RREB1: variants seen among roughly 807,000 people sequenced by gnomAD.
The protein encoded by RREB1 is ras responsive element binding protein 1.
A neutral mutation model predicts 117.8 loss-of-function variants in RREB1; 27 were observed. The observed-to-expected ratio is 0.23, with a 90% CI of 0.17 to 0.32. The LOEUF (loss-of-function observed/expected upper bound fraction) is 0.32. Among genes scored for constraint, RREB1 ranks in the 10% least tolerant of loss-of-function variants. The pLI is 1.00. For missense variants in RREB1, 2,577 were observed against 2,378.2 expected (o/e 1.08, Z -1.74); for synonymous variants, 1,298 against 1,026.7 (o/e 1.26, Z -5.05).
At chr6:7,122,166 T>TTA (rs1561727647) in intron 1 of RREB1, among the ~76,000 whole-genome samples, 1 of 152,244 alleles carries the variant, frequency 6.6e-6, no homozygotes, top group Non-Finnish European at 1.5e-5. Flanking sequence ...AGCTTCTCTT[T>TTA]TATAAGGTAT....
intron 1 of RREB1, among the ~76,000 whole-genome samples, chr6:7,157,950 C>G (rs1763463198): frequency 6.6e-6 from 1 of 152,080 alleles, no homozygotes; most frequent in Admixed American, 6.5e-5. Context: ...TGCCTGTGCC[C>G]TACCAGGGGT....
At chr6:7,223,701 TAA>T (rs1012218394) in intron 8 of RREB1, among the ~76,000 whole-genome samples, 3 of 152,144 alleles carry the variant, frequency 2.0e-5, no homozygotes, top group African/African-American at 7.2e-5. Flanking sequence ...CATATGTACA[TAA>T]ATACATATAC....
intron 6 of RREB1, among the ~76,000 whole-genome samples, chr6:7,206,547 G>A (rs559174660): frequency 7.9e-5 from 12 of 152,286 alleles, no homozygotes; most frequent in East Asian, 5.8e-4. Flanking sequence ...ACCAGGGCTC[G>A]TGCAGAGAAC....
At chr6:7,182,113 G>C in intron 4 of RREB1, 31 bp downstream of exon 4, 1 of 1,592,152 alleles carries the variant, frequency 6.3e-7, no homozygotes, top group Non-Finnish European at 8.6e-7. Flanking sequence ...GTGACCTCTG[G>C]TGGGTTCAAT....
chr6:7,129,438 A>G (rs1201210474), intron 1 of RREB1, among the ~76,000 whole-genome samples: 1 of 152,244 alleles, frequency 6.6e-6, no homozygotes. Context: ...GACACCCTCA[A>G]CAGTGGGCAT....
At position 7,229,147 on chromosome 6, in the gene RREB1, G is replaced by A. The variant is rs899514750; in HGVS notation, c.1048G>A (p.Ala350Thr). The A allele has an allele frequency of 6.2e-7, 1 of 1,610,128 alleles. No individual in the cohort carries two copies. Among genetic ancestry groups the A allele is most frequent in the Middle Eastern group, 1.7e-4 (1 of 6,030 alleles). Residue 350 changes from alanine (A) to threonine (T), a missense_variant, in exon 10 of 13, where the codon GCC becomes ACC. By Grantham distance (58) the Ala-to-Thr change is moderately conservative. Coordinates refer to ENST00000379938, the MANE Select transcript of RREB1 (RefSeq NM_001003699.4). This position sits in a 1 kb window ranked among gnomAD's most constrained non-coding sequence, Gnocchi z 4.5. The part of the protein sequence containing the change: ...AADQGQEKPQ[A>T]TPLPGDALDQ... ...AGACCAGGGTCAAGAAAAGCCGCAG[G>A]CCACGCCCCTGCCTGGTGACGCCCT...
chr6:7,200,266 G>A (rs1404536801), intron 6 of RREB1, among the ~76,000 whole-genome samples: 11 of 136,360 alleles, frequency 8.1e-5, no homozygotes, highest in East Asian at 2.2e-4. Context: ...GTGTGTGTGT[G>A]TGTGTGTGTG....
At chr6:7,148,032 G>A (rs993626077) in intron 1 of RREB1, among the ~76,000 whole-genome samples, 6 of 152,134 alleles carry the variant, frequency 3.9e-5, no homozygotes, top group Admixed American at 2.0e-4. Flanking sequence ...TGTAGAGGTC[G>A]CTTATTTGGC....
rs4053178 is a variant in RREB1 at position 7,249,062 on chromosome 6, T to TGAGAGAGAGAGA, written c.*125_*136dup. 244 of 568,164 alleles carry TGAGAGAGAGAGA rather than the reference T, an allele frequency of 4.3e-4. No homozygotes were observed. The highest frequency in any genetic ancestry group is 2.7e-3 in the African/African-American group (136 of 49,642). 35.2% of individuals were successfully genotyped at this position (568,164 alleles called of 1,614,324 possible). A position where few individuals can be genotyped will look rare whatever the true frequency, so the allele number is the denominator to read the frequency against. On this transcript the variant is annotated 3_prime_UTR_variant, in exon 13 of 13. Coordinates refer to ENST00000379938, the MANE Select transcript of RREB1 (RefSeq NM_001003699.4). ...TCAGTGCCCTTTGGCTGTTGAGGAG[T>TGAGAGAGAGAGA]GAGAGAGAGAGAGAGAGAGAGAGAG... is the stretch of plus-strand genomic sequence containing the variant.
chr6:7,219,752 C>T (rs914337597), intron 8 of RREB1, among the ~76,000 whole-genome samples: 1 of 152,162 alleles, frequency 6.6e-6, no homozygotes, highest in Non-Finnish European at 1.5e-5. Context: ...TCTCTGTGAT[C>T]GTGGTTCCCG....
chr6:7,110,287 GTATAGTTTC>G (rs1197980189), intron 1 of RREB1, among the ~76,000 whole-genome samples: 2 of 152,164 alleles, frequency 1.3e-5, no homozygotes, highest in African/African-American at 4.8e-5. Context: ...AAGTAGGCAG[GTATAGTTTC>G]TAAGACATAT....
chr6:7,166,519 G>A (rs1434883855), intron 1 of RREB1, among the ~76,000 whole-genome samples: 1 of 152,272 alleles, frequency 6.6e-6, no homozygotes, highest in East Asian at 1.9e-4. Flanking sequence ...GCTGGGCGTG[G>A]TCACTTCACC....
At chr6:7,141,863 T>G (rs1762610225) in intron 1 of RREB1, among the ~76,000 whole-genome samples, 1 of 152,202 alleles carries the variant, frequency 6.6e-6, no homozygotes, top group Admixed American at 6.5e-5. Flanking sequence ...TTCTGGCCCT[T>G]TCCGCAGAGG....
intron 10 of RREB1, among the ~76,000 whole-genome samples, chr6:7,234,707 C>G (rs1768215465): frequency 6.6e-6 from 1 of 152,208 alleles, no homozygotes; most frequent in Non-Finnish European, 1.5e-5. Flanking sequence ...CTTGGTAGAG[C>G]TAGTCTTCAT....
intron 1 of RREB1, among the ~76,000 whole-genome samples, chr6:7,125,832 C>T (rs1233053737): frequency 6.6e-6 from 1 of 151,946 alleles, no homozygotes; most frequent in African/African-American, 2.4e-5. Flanking sequence ...GGAGGCTGTC[C>T]TGTCTCTTAG....
intron 1 of RREB1, among the ~76,000 whole-genome samples, chr6:7,169,347 A>G (rs1764105330): frequency 6.6e-6 from 1 of 152,354 alleles, no homozygotes; most frequent in Middle Eastern, 3.4e-3. Context: ...GTGGTCCAGC[A>G]TGGGTGCTTC....
intron 6 of RREB1, among the ~76,000 whole-genome samples, chr6:7,202,720 A>G (rs1766052558): frequency 6.6e-6 from 1 of 152,186 alleles, no homozygotes; most frequent in African/African-American, 2.4e-5. Context: ...CTGGGGAAGA[A>G]GAAGAGGCCA....
chr6:7,185,923 CCA>C (rs1765057720), intron 4 of RREB1, among the ~76,000 whole-genome samples: 1 of 152,264 alleles, frequency 6.6e-6, no homozygotes, highest in Non-Finnish European at 1.5e-5. Context: ...TCTGTGTACC[CCA>C]GTTTCCGCAT....
chr6:7,141,270 C>G (rs899122299), intron 1 of RREB1, among the ~76,000 whole-genome samples: 2 of 152,182 alleles, frequency 1.3e-5, no homozygotes, highest in South Asian at 4.1e-4. Flanking sequence ...TTCGCGCTGG[C>G]GTTCCCCCGT....
Sources: allele counts gnomAD v4.1 joint callset (sites outside exome capture counted in the v4.1 genomes callset), GRCh38; gene constraint gnomAD v4.1.1; non-coding constraint Gnocchi (gnomAD v3.1); transcripts MANE v1.5; gene names NCBI Gene and HGNC (gene_info 2026-07-23, HGNC 2026-07-21).